SYT16: variants seen among roughly 807,000 people sequenced by gnomAD.
SYT16 encodes the protein synaptotagmin 16.
SYT16 carries 42 observed loss-of-function variants against 61.4 expected under a neutral mutation model. The observed-to-expected ratio is 0.68, with a 90% CI of 0.53 to 0.89. The LOEUF (loss-of-function observed/expected upper bound fraction) is 0.89, where lower values mean the gene tolerates loss of function less well. Ranked by LOEUF, SYT16 falls within the 40% of genes least tolerant of loss-of-function variation. The pLI, the probability that SYT16 is intolerant of heterozygous loss-of-function variation, is 0.00. For synonymous variants in SYT16, 314 were observed against 302.3 expected (o/e 1.04, Z -0.40); for missense variants, 804 against 807.3 (o/e 1.00, Z 0.05).
intron 1 of SYT16, among the ~76,000 whole-genome samples, chr14:61,866,050 T>C (rs2047142360): frequency 6.6e-6 from 1 of 152,206 alleles, no homozygotes; most frequent in Admixed American, 6.5e-5. Flanking sequence ...TAAGTTGTTT[T>C]AATTATTCAG....
At chr14:61,834,526 C>T (rs890073091) in intron 1 of SYT16, among the ~76,000 whole-genome samples, 1 of 143,048 alleles carries the variant, frequency 7.0e-6, no homozygotes, top group Non-Finnish European at 1.5e-5. Context: ...CAACCTCTGC[C>T]TCCCGGGTTT....
intron 1 of SYT16, among the ~76,000 whole-genome samples, chr14:61,934,862 T>G (rs2049914591): frequency 6.6e-6 from 1 of 152,246 alleles, no homozygotes; most frequent in Non-Finnish European, 1.5e-5. Flanking sequence ...AAAGTGGACT[T>G]GCAATACACT....
intron 1 of SYT16, among the ~76,000 whole-genome samples, chr14:61,931,373 A>T (rs1048601944): frequency 4.8e-4 from 73 of 152,202 alleles, no homozygotes; most frequent in African/African-American, 1.5e-3. Context: ...TCTTTTTTTT[A>T]AAAATATTCG....
At chr14:61,914,339 G>C (rs2049040254) in intron 1 of SYT16, among the ~76,000 whole-genome samples, 1 of 152,158 alleles carries the variant, frequency 6.6e-6, no homozygotes, top group African/African-American at 2.4e-5. Context: ...TCCACATGTT[G>C]TGGCTGAATC....
At chr14:61,854,907 C>G (rs2140277078) in intron 1 of SYT16, among the ~76,000 whole-genome samples, 1 of 152,154 alleles carries the variant, frequency 6.6e-6, no homozygotes, top group South Asian at 2.1e-4. Context: ...CACTCCCACC[C>G]TGCCTCTATA....
chr14:61,877,537 T>G (rs144290784), intron 1 of SYT16, among the ~76,000 whole-genome samples: 26 of 152,338 alleles, frequency 1.7e-4, no homozygotes, highest in Non-Finnish European at 3.2e-4. Flanking sequence ...CCCTGAGGGT[T>G]CAAAAGTTTC....
intron 1 of SYT16, chr14:61,865,038 T>G: frequency 7.1e-7 from 1 of 1,411,026 alleles, no homozygotes; most frequent in Non-Finnish European, 1.0e-6. Context: ...TTCTGCTGTA[T>G]TCGGCTGCGG....
rs1404822680 is a variant in SYT16 at position 61,991,401 on chromosome 14, G to A, written c.-144-4475G>A. Among the ~76,000 whole-genome samples, 7 of 147,226 alleles carry A rather than the reference G, an allele frequency of 4.8e-5. No homozygotes were observed. In the Admixed American group the frequency reaches 4.8e-4, roughly 10 times the overall value. ...CAGAAGCTACTTTGTCTTCTTGTTAGCTGTAAGAAAGCCACCAAAGAAGTA... is the reference window on the plus strand; with the variant it reads ...CAGAAGCTACTTTGTCTTCTTGTTAACTGTAAGAAAGCCACCAAAGAAGTA... On this transcript the variant is annotated intron_variant, in intron 2 of 7. Coordinates refer to ENST00000683842, the MANE Select transcript of SYT16 (RefSeq NM_001367656.1).
chr14:61,928,210 A>C (rs572669772), intron 1 of SYT16, among the ~76,000 whole-genome samples: 55 of 152,158 alleles, frequency 3.6e-4, no homozygotes, highest in Non-Finnish European at 6.6e-4. Flanking sequence ...AGCTAGACAG[A>C]GGCTAGAGGT....
chr14:61,880,983 A>G (rs2047677869), intron 1 of SYT16, among the ~76,000 whole-genome samples: 1 of 152,212 alleles, frequency 6.6e-6, no homozygotes, highest in South Asian at 2.1e-4. Flanking sequence ...ACCTCTTGAT[A>G]CATCTTCACA....
intron 1 of SYT16, among the ~76,000 whole-genome samples, chr14:61,858,120 C>CAAAAAAAA (rs34781118): frequency 2.5e-4 from 11 of 43,204 alleles, no homozygotes; most frequent in East Asian, 7.9e-4. Flanking sequence ...CACAGCTTGG[C>CAAAAAAAA]AAAAAAAAAA....
intron 2 of SYT16, among the ~76,000 whole-genome samples, chr14:61,993,785 T>C (rs2052653607): frequency 2.0e-5 from 3 of 152,340 alleles, no homozygotes. Flanking sequence ...GGATAGAATT[T>C]ATCCATCAAC....
intron 7 of SYT16, among the ~76,000 whole-genome samples, chr14:62,087,711 A>G (rs2056932868): frequency 6.6e-6 from 1 of 152,210 alleles, no homozygotes; most frequent in South Asian, 2.1e-4. Flanking sequence ...AGATAATCGG[A>G]TATTTTTTAA....
At chr14:61,939,466 A>G (rs925473656) in intron 1 of SYT16, among the ~76,000 whole-genome samples, 1 of 152,208 alleles carries the variant, frequency 6.6e-6, no homozygotes. Flanking sequence ...TGGAGGACAG[A>G]AGTCTGAGAT....
intron 3 of SYT16, among the ~76,000 whole-genome samples, chr14:62,054,433 T>TCA (rs578133862): frequency 3.1e-4 from 46 of 150,502 alleles, no homozygotes; most frequent in Non-Finnish European, 5.0e-4. Context: ...TGATCATGGC[T>TCA]CACTGCAGCC....
intron 2 of SYT16, among the ~76,000 whole-genome samples, chr14:61,990,050 C>G (rs1013421095): frequency 6.6e-6 from 1 of 152,176 alleles, no homozygotes; most frequent in African/African-American, 2.4e-5. Context: ...GAAGATATTT[C>G]ATTTCAATGA....
intron 2 of SYT16, among the ~76,000 whole-genome samples, chr14:61,975,218 T>C (rs1238609772): frequency 6.6e-6 from 1 of 152,076 alleles, no homozygotes; most frequent in Admixed American, 6.6e-5. Context: ...CCTTTCCCAC[T>C]CACAATTCAA....
intron 1 of SYT16, among the ~76,000 whole-genome samples, chr14:61,967,741 T>G (rs1235238267): frequency 6.6e-6 from 1 of 152,168 alleles, no homozygotes; most frequent in East Asian, 1.9e-4. Flanking sequence ...CCATATAGGG[T>G]CACCTTCTGA....
intron 1 of SYT16, among the ~76,000 whole-genome samples, chr14:61,859,119 A>G (rs1051358389): frequency 2.6e-5 from 4 of 151,674 alleles, no homozygotes; most frequent in African/African-American, 7.3e-5. Flanking sequence ...TCGGCCTCCC[A>G]AAGTGTTGGG....
Sources: gnomAD v4.1 joint callset for allele counts (sites outside exome capture counted in the v4.1 genomes callset) on GRCh38, gnomAD v4.1.1 for gene constraint, MANE v1.5 for transcripts, NCBI Gene and HGNC (gene_info 2026-07-23, HGNC 2026-07-21) for gene names.